SMCO4: variants seen among roughly 807,000 people sequenced by gnomAD.
SMCO4 encodes the protein single-pass membrane protein with coiled-coil domains 4.
Under a neutral mutation model 3.6 loss-of-function variants are expected in SMCO4, and 4 were observed. The observed-to-expected ratio is 1.11, with a 90% CI of 0.54 to 2.53. SMCO4 has a LOEUF of 2.53. SMCO4 is among the 30% of genes most tolerant of loss of function. The probability of loss-of-function intolerance (pLI) is 0.02; values close to 1 mark genes in which losing one functional copy is unlikely to be tolerated. For synonymous variants in SMCO4, 36 were observed against 35.3 expected, an observed-to-expected ratio of 1.02 and a Z score of -0.07; for missense variants, 70 against 80.8, an observed-to-expected ratio of 0.87 and a Z score of 0.51.
chr11:93,488,694 G>C (rs1364618519), intron 2 of SMCO4, among the ~76,000 whole-genome samples: 1 of 152,154 alleles, frequency 6.6e-6, no homozygotes, highest in African/African-American at 2.4e-5. Context: ...ATCCCTAGTA[G>C]AGGCATGAAA....
chr11:93,519,635 A>C (rs1424484300), intron 1 of SMCO4, among the ~76,000 whole-genome samples: 1 of 152,232 alleles, frequency 6.6e-6, no homozygotes, highest in Admixed American at 6.5e-5. Context: ...GCTCTTTAAA[A>C]GTTCGAACTA....
At chr11:93,488,243 G>T (rs1220614030) in intron 2 of SMCO4, among the ~76,000 whole-genome samples, 1 of 152,242 alleles carries the variant, frequency 6.6e-6, no homozygotes, top group Non-Finnish European at 1.5e-5. Context: ...TCCCTTGCAT[G>T]TCTGAGAAGC....
At chr11:93,550,878 G>A in the SMCO4 span, among the ~76,000 whole-genome samples, 2 of 152,062 alleles carry the variant, frequency 1.3e-5, no homozygotes, top group Admixed American at 1.3e-4. Context: ...ATAACCACAA[G>A]ATCTTCATTA....
intron 1 of SMCO4, among the ~76,000 whole-genome samples, chr11:93,511,454 G>A (rs956496734): frequency 6.6e-6 from 1 of 152,132 alleles, no homozygotes; most frequent in African/African-American, 2.4e-5. Flanking sequence ...TCCCAGCTGG[G>A]GCCACTGTCT....
chr11:93,479,141 T>A lies in SMCO4; in HGVS notation c.49A>T (p.Lys17Ter), dbSNP rs777645014. 6.2e-7 allele frequency: 1 copy of A among 1,614,122 alleles called. No homozygotes were observed. Among genetic ancestry groups the A allele is most frequent in the Non-Finnish European group, 8.5e-7 (1 of 1,180,030 alleles). ...KPKKETSKDK[K>*]ERKQAMQEAR... ...TCCTGCATGGCTTGCTTCCGCTCCT[T>A]CTTGTCCTTGGAGGTCTCCTTCTTG... Residue 17 changes from lysine to a stop codon, truncating the protein, a stop_gained, in exon 3 of 3, where the codon AAG becomes TAG. Coordinates refer to ENST00000298966, the MANE Select transcript of SMCO4 (RefSeq NM_020179.3). LOFTEE classifies it high-confidence loss of function.
At chr11:93,538,141 C>G (rs918944456) in intron 1 of SMCO4, among the ~76,000 whole-genome samples, 4 of 152,242 alleles carry the variant, frequency 2.6e-5, no homozygotes, top group Admixed American at 6.5e-5. Context: ...ACAGGACATG[C>G]AGACCCCAGC....
intron 2 of SMCO4, among the ~76,000 whole-genome samples, chr11:93,486,185 C>T (rs973005183): frequency 7.9e-5 from 12 of 152,190 alleles, no homozygotes; most frequent in African/African-American, 2.7e-4. Context: ...CCTTCATCCC[C>T]ATTTTGCAGA....
intron 1 of SMCO4, among the ~76,000 whole-genome samples, chr11:93,523,935 T>G (rs1949083039): frequency 6.6e-6 from 1 of 152,196 alleles, no homozygotes; most frequent in African/African-American, 2.4e-5. Context: ...GAGAAAACCT[T>G]GGAAAGATTC....
chr11:93,528,232 A>G (rs906716242), intron 1 of SMCO4, among the ~76,000 whole-genome samples: 7 of 152,210 alleles, frequency 4.6e-5, no homozygotes, highest in Non-Finnish European at 1.0e-4. Context: ...TAATTGATAT[A>G]AAATTTTGTA....
chr11:93,502,969 G>A (rs927030005), intron 1 of SMCO4, among the ~76,000 whole-genome samples: 1 of 152,134 alleles, frequency 6.6e-6, no homozygotes, highest in Admixed American at 6.6e-5. Context: ...CCAACTCAAG[G>A]AGGTAGGTAC....
At chr11:93,519,419 C>T (rs114627182) in intron 1 of SMCO4, among the ~76,000 whole-genome samples, 444 of 152,352 alleles carry the variant, frequency 2.9e-3, no homozygotes, top group African/African-American at 0.01. Context: ...TGGCAGCATT[C>T]ACTGGGCAGG....
intron 1 of SMCO4, among the ~76,000 whole-genome samples, chr11:93,506,958 C>A (rs562486838): frequency 6.6e-6 from 1 of 152,284 alleles, no homozygotes; most frequent in East Asian, 1.9e-4. Context: ...AGAACACCAT[C>A]TTTCCTTGAA....
At chr11:93,484,393 T>C (rs1948624718) in intron 2 of SMCO4, among the ~76,000 whole-genome samples, 1 of 152,182 alleles carries the variant, frequency 6.6e-6, no homozygotes, top group African/African-American at 2.4e-5. Context: ...TAGATCCTAT[T>C]AAGGAATGGT....
chr11:93,547,240 C>G (rs1949321551), upstream of SMCO4, among the ~76,000 whole-genome samples: 1 of 152,170 alleles, frequency 6.6e-6, no homozygotes, highest in Admixed American at 6.5e-5. Context: ...ATTCCAAACC[C>G]TAGAAGAACG....
intron 1 of SMCO4, among the ~76,000 whole-genome samples, chr11:93,516,291 T>TCGA (rs1160673493): frequency 2.6e-5 from 4 of 150,962 alleles, no homozygotes; most frequent in Non-Finnish European, 5.9e-5. Context: ...AGAAGGGGAG[T>TCGA]CAGGCAGATA....
intron 2 of SMCO4, among the ~76,000 whole-genome samples, chr11:93,496,863 T>G (rs529111941): frequency 1.8e-4 from 27 of 152,318 alleles, no homozygotes; most frequent in African/African-American, 5.3e-4. Flanking sequence ...ATACTGATGC[T>G]TCAGATTCCC....
At chr11:93,513,321 C>T (rs1254605500) in intron 1 of SMCO4, among the ~76,000 whole-genome samples, 2 of 152,210 alleles carry the variant, frequency 1.3e-5, no homozygotes, top group Non-Finnish European at 2.9e-5. Context: ...AACTATTATA[C>T]ACAAACACAA....
chr11:93,490,510 A>C (rs956047235), intron 2 of SMCO4, among the ~76,000 whole-genome samples: 3 of 152,230 alleles, frequency 2.0e-5, no homozygotes, highest in African/African-American at 7.2e-5. Flanking sequence ...ATTTCATTAA[A>C]AAAATGCTGG....
chr11:93,481,435 G>A (rs765795126), intron 2 of SMCO4: 28 of 985,404 alleles, frequency 2.8e-5, no homozygotes, highest in African/African-American at 2.4e-4. Context: ...GCCCACCTTC[G>A]CGGGACCGTG....
Sources: gnomAD v4.1 joint callset for allele counts (sites outside exome capture counted in the v4.1 genomes callset) on GRCh38, gnomAD v4.1.1 for gene constraint, MANE v1.5 for transcripts, NCBI Gene and HGNC (gene_info 2026-07-23, HGNC 2026-07-21) for gene names.